UBE2E2: variants seen among roughly 807,000 people sequenced by gnomAD.
The protein encoded by UBE2E2 is ubiquitin-conjugating enzyme E2 E2.
In UBE2E2, 6 loss-of-function variants were observed where a neutral mutation model predicts 24.7. That is an observed-to-expected ratio of 0.24 (90% CI 0.13 to 0.48). The LOEUF is 0.48. UBE2E2 is among the 20% of genes least tolerant of loss of function. UBE2E2 has a pLI of 0.99. For missense variants in UBE2E2, 169 were observed against 245.0 expected, an observed-to-expected ratio of 0.69 and a Z score of 2.07; for synonymous variants, 104 against 83.6, an observed-to-expected ratio of 1.24 and a Z score of -1.33.
intron 3 of UBE2E2, among the ~76,000 whole-genome samples, chr3:23,299,463 C>T (rs1164360632): frequency 3.3e-5 from 5 of 151,920 alleles, no homozygotes; most frequent in African/African-American, 1.2e-4. Flanking sequence ...GAATGTGTCC[C>T]AGAGATTCTG....
At chr3:23,365,152 C>T (rs1696220933) in intron 3 of UBE2E2, among the ~76,000 whole-genome samples, 1 of 152,142 alleles carries the variant, frequency 6.6e-6, no homozygotes, top group Non-Finnish European at 1.5e-5. Flanking sequence ...CTATGACAAA[C>T]CCACAGCAAA....
intron 3 of UBE2E2, among the ~76,000 whole-genome samples, chr3:23,229,812 G>A (rs1696926010): frequency 1.3e-5 from 2 of 152,314 alleles, no homozygotes; most frequent in South Asian, 4.1e-4. Context: ...TATTTGAAAG[G>A]TGACTAGTGC....
chr3:23,508,678 A>G (rs1057326498), intron 4 of UBE2E2, among the ~76,000 whole-genome samples: 3 of 152,218 alleles, frequency 2.0e-5, no homozygotes, highest in Non-Finnish European at 4.4e-5. Flanking sequence ...GGTTTCAAAC[A>G]AGTATTTTAC....
intron 3 of UBE2E2, among the ~76,000 whole-genome samples, chr3:23,360,578 C>T (rs563854779): frequency 3.9e-5 from 6 of 151,936 alleles, no homozygotes; most frequent in South Asian, 2.1e-4. Flanking sequence ...ACATGGTATG[C>T]GGGGGACCTA....
intron 3 of UBE2E2, among the ~76,000 whole-genome samples, chr3:23,355,915 C>G (rs1559359607): frequency 1.3e-5 from 2 of 152,208 alleles, no homozygotes; most frequent in Admixed American, 1.3e-4. Flanking sequence ...CGTAAATCAT[C>G]TAAGACTTTC....
At chr3:23,442,936 T>A (rs957455083) in intron 3 of UBE2E2, among the ~76,000 whole-genome samples, 4 of 152,252 alleles carry the variant, frequency 2.6e-5, no homozygotes, top group Admixed American at 2.6e-4. Flanking sequence ...TCTATATTAA[T>A]AATTGAACCA....
At chr3:23,489,298 C>A (rs1051837520) in intron 3 of UBE2E2, among the ~76,000 whole-genome samples, 1 of 151,662 alleles carries the variant, frequency 6.6e-6, no homozygotes, top group Non-Finnish European at 1.5e-5. Context: ...TCAGTGGGAG[C>A]CCTGAGCTTG....
At position 23,512,614 on chromosome 3, in the gene UBE2E2, A is replaced by T. The variant is rs77710790; in HGVS notation, c.360+12874A>T. ...TCTATTTTTGTGGAGAATTAAGGTTAAATAAGATTTTTTGTTTGGGCACTT... is the reference window on the plus strand; with the variant it reads ...TCTATTTTTGTGGAGAATTAAGGTTTAATAAGATTTTTTGTTTGGGCACTT... On this transcript the variant is annotated intron_variant, in intron 4 of 5. Coordinates refer to ENST00000396703, the MANE Select transcript of UBE2E2 (RefSeq NM_152653.4). Among the ~76,000 whole-genome samples the T allele has an allele frequency of 1.0e-3, 154 of 152,160 alleles. No homozygotes were observed. The East Asian group carries it at 0.024, about 24-fold the overall frequency.
chr3:23,294,589 GTTTT>G (rs561279157), intron 3 of UBE2E2, among the ~76,000 whole-genome samples: 13 of 144,130 alleles, frequency 9.0e-5, no homozygotes, highest in South Asian at 2.2e-4. Flanking sequence ...ATCTTTATTA[GTTTT>G]TTTATTAGAT....
At chr3:23,233,647 ATAT>A (rs2125333291) in intron 3 of UBE2E2, among the ~76,000 whole-genome samples, 2 of 152,294 alleles carry the variant, frequency 1.3e-5, no homozygotes, top group South Asian at 4.1e-4. Flanking sequence ...TTAGTTATTA[ATAT>A]TATAATAACA....
intron 3 of UBE2E2, among the ~76,000 whole-genome samples, chr3:23,249,092 G>A (rs1423810768): frequency 6.6e-6 from 1 of 151,870 alleles, no homozygotes; most frequent in South Asian, 2.1e-4. Flanking sequence ...GCAACATGGC[G>A]AAACCTTGTC....
At chr3:23,560,066 ATTTTT>A (rs929942343) in intron 5 of UBE2E2, among the ~76,000 whole-genome samples, 2 of 151,874 alleles carry the variant, frequency 1.3e-5, no homozygotes, top group African/African-American at 4.8e-5. Flanking sequence ...GTATATATGT[ATTTTT>A]TTATTTTATT....
intron 3 of UBE2E2, among the ~76,000 whole-genome samples, chr3:23,479,319 T>C (rs988239787): frequency 6.6e-6 from 1 of 152,144 alleles, no homozygotes; most frequent in Non-Finnish European, 1.5e-5. Flanking sequence ...TGCAAGACTG[T>C]GGCTAGATCA....
At chr3:23,521,917 A>G (rs1279165070) in intron 4 of UBE2E2, among the ~76,000 whole-genome samples, 2 of 134,784 alleles carry the variant, frequency 1.5e-5, no homozygotes, top group African/African-American at 5.5e-5. Context: ...CTAATTGAGC[A>G]CCTACTATGT....
chr3:23,329,131 GAAAAGATGAGAA>G (rs1225190055), intron 3 of UBE2E2, among the ~76,000 whole-genome samples: 1 of 152,144 alleles, frequency 6.6e-6, no homozygotes, highest in Non-Finnish European at 1.5e-5. Context: ...AGTGTTTAGT[GAAAAGATGAGAA>G]TTCTCAGACA....
At chr3:23,368,882 A>G (rs1034865099) in intron 3 of UBE2E2, among the ~76,000 whole-genome samples, 8 of 152,176 alleles carry the variant, frequency 5.3e-5, no homozygotes, top group Non-Finnish European at 7.4e-5. Flanking sequence ...CCATTTCCCA[A>G]TGACTTCTTA....
rs571943467 is a variant in UBE2E2 at position 23,367,015 on chromosome 3, CTT to C, written c.228-132592_228-132591del. 6.2e-3 allele frequency among the ~76,000 whole-genome samples: 950 copies of C among 152,270 alleles called. 14 individuals are homozygous for C. Among genetic ancestry groups the C allele is most frequent in the African/African-American group, 0.021 (877 of 41,554 alleles). On this transcript the variant is annotated intron_variant, in intron 3 of 5. Coordinates refer to ENST00000396703, the MANE Select transcript of UBE2E2 (RefSeq NM_152653.4). ...TCTATCAGTTTTTCTAAGGGACTCT[CTT>C]AGTCCTTGGCAGACAAGTCATTCTG...
At chr3:23,485,426 A>T (rs983842251) in intron 3 of UBE2E2, among the ~76,000 whole-genome samples, 8 of 152,112 alleles carry the variant, frequency 5.3e-5, no homozygotes, top group African/African-American at 1.9e-4. Context: ...GCAATCAATC[A>T]ATATCTTTTA....
intron 3 of UBE2E2, among the ~76,000 whole-genome samples, chr3:23,307,081 C>T (rs1559342006): frequency 6.6e-6 from 1 of 152,046 alleles, no homozygotes; most frequent in East Asian, 1.9e-4. Context: ...ATTTATAATT[C>T]AAAGAAATGT....
Sources: gnomAD v4.1 joint callset for allele counts (sites outside exome capture counted in the v4.1 genomes callset) on GRCh38, gnomAD v4.1.1 for gene constraint, MANE v1.5 for transcripts, NCBI Gene and HGNC (gene_info 2026-07-23, HGNC 2026-07-21) for gene names.